The following TCF4 variants were observed in gnomAD, a reference collection of about 807,000 sequenced individuals.
The protein encoded by TCF4 is SL3-3 enhancer factor 2.
In TCF4, 3 loss-of-function variants were observed where a neutral mutation model predicts 82.1. The observed-to-expected ratio is 0.04, with a 90% CI of 0.02 to 0.09. The LOEUF is 0.09. TCF4 is among the 10% of genes least tolerant of loss of function. The pLI, the probability that TCF4 is intolerant of heterozygous loss-of-function variation, is 1.00. For missense variants in TCF4, 518 were observed against 852.7 expected, an observed-to-expected ratio of 0.61 and a Z score of 4.89; for synonymous variants, 276 against 309.6, an observed-to-expected ratio of 0.89 and a Z score of 1.14.
intron 10 of TCF4, among the ~76,000 whole-genome samples, chr18:55,272,972 TA>T (rs1413871287): frequency 6.6e-6 from 1 of 152,156 alleles, no homozygotes; most frequent in African/African-American, 2.4e-5. Flanking sequence ...AGACCATGCC[TA>T]AATCATGCCA....
At chr18:55,262,767 T>C (rs2058313971) in intron 11 of TCF4, among the ~76,000 whole-genome samples, 1 of 152,170 alleles carries the variant, frequency 6.6e-6, no homozygotes, top group South Asian at 2.1e-4. Context: ...TAATTTATGC[T>C]TGTTATTTTC....
chr18:55,635,912 G>A lies in TCF4; in HGVS notation c.-15C>T, dbSNP rs576896383. ...TTAGAAAACATGGTGTTGTTCCTTT[G>A]GCCGCATAAGTGCCAATCTACAAGA... On this transcript the variant is annotated 5_prime_UTR_variant, in exon 1 of 21. Coordinates refer to the TCF4 transcript ENST00000398339. 7 of 1,572,406 alleles carry A rather than the reference G, an allele frequency of 4.5e-6. No individual in the cohort carries two copies. The African/African-American group carries it at 9.5e-5, about 21-fold the overall frequency.
At chr18:55,404,826 G>GT (rs1251607310) in intron 5 of TCF4, among the ~76,000 whole-genome samples, 1 of 152,218 alleles carries the variant, frequency 6.6e-6, no homozygotes, top group Non-Finnish European at 1.5e-5. Flanking sequence ...ATGGATGGTG[G>GT]TTTTCAAAGA....
intron 3 of TCF4, among the ~76,000 whole-genome samples, chr18:55,540,144 G>A (rs909121389): frequency 2.0e-5 from 3 of 151,676 alleles, no homozygotes; most frequent in African/African-American, 7.3e-5. Context: ...TAAAAAAACA[G>A]AGGAGGAGTA....
chr18:55,294,803 A>C (rs2066070344), intron 8 of TCF4, among the ~76,000 whole-genome samples: 1 of 152,178 alleles, frequency 6.6e-6, no homozygotes, highest in African/African-American at 2.4e-5. Context: ...TTATTATTGT[A>C]GGGACAGGGT....
At chr18:55,513,445 G>C (rs2096849199) in intron 3 of TCF4, among the ~76,000 whole-genome samples, 1 of 149,132 alleles carries the variant, frequency 6.7e-6, no homozygotes, top group Non-Finnish European at 1.5e-5. Flanking sequence ...GTGCCACAAT[G>C]ACTGTGTGAA....
intron 2 of TCF4, among the ~76,000 whole-genome samples, chr18:55,601,232 T>C (rs1177178963): frequency 6.6e-6 from 1 of 152,142 alleles, no homozygotes; most frequent in East Asian, 1.9e-4. Context: ...TGAGGGACAA[T>C]TGAGTAGATA....
In TCF4 at chr18:55,363,805, C is replaced by T. The variant is rs187614956; in HGVS notation, c.370-12802G>A. Among the ~76,000 whole-genome samples, 77 of 151,862 alleles carry T rather than the reference C, an allele frequency of 5.1e-4. 1 individual carries two copies. Among genetic ancestry groups the T allele is most frequent in the Non-Finnish European group, 9.7e-4 (66 of 67,954 alleles). On this transcript the variant is annotated intron_variant, in intron 6 of 19. Coordinates refer to ENST00000354452, the MANE Select transcript of TCF4 (RefSeq NM_001083962.2). ...TGGGAAACAGAGCGACACTCTGTCT[C>T]TAAATAAATAAATAAATAAATAAAA...
intron 3 of TCF4, among the ~76,000 whole-genome samples, chr18:55,531,286 C>T (rs2097060075): frequency 6.6e-6 from 1 of 152,112 alleles, no homozygotes; most frequent in Non-Finnish European, 1.5e-5. Flanking sequence ...TCTCTCGTAA[C>T]ACTCATTATG....
intron 3 of TCF4, among the ~76,000 whole-genome samples, chr18:55,547,188 A>G (rs1325055400): frequency 6.6e-6 from 1 of 152,200 alleles, no homozygotes; most frequent in Non-Finnish European, 1.5e-5. Flanking sequence ...TCCCATCTAA[A>G]ACTGCACTTC....
Position 55,328,561 on chromosome 18 carries a change from G to A in TCF4, c.549+21798C>T, listed in dbSNP as rs117262075. Among the ~76,000 whole-genome samples the A allele has an allele frequency of 4.2e-3, 643 of 152,298 alleles. 5 individuals are homozygous for A. The highest frequency in any genetic ancestry group is 7.5e-3 in the Non-Finnish European group (511 of 68,020). On this transcript the variant is annotated intron_variant, in intron 8 of 19. Coordinates refer to ENST00000354452, the MANE Select transcript of TCF4 (RefSeq NM_001083962.2). Reference sequence around the variant, plus strand: ...TTGCTGCACTTCCTAGATGAAGCTGGTTAGCGAGCTTACCACAATCACCTG... The same window carrying A: ...TTGCTGCACTTCCTAGATGAAGCTGATTAGCGAGCTTACCACAATCACCTG...
chr18:55,442,180 A>G (rs1295732951), intron 5 of TCF4, among the ~76,000 whole-genome samples: 1 of 152,160 alleles, frequency 6.6e-6, no homozygotes, highest in Non-Finnish European at 1.5e-5. Context: ...AAAACAAACA[A>G]ACAAAAAAAC....
intron 3 of TCF4, among the ~76,000 whole-genome samples, chr18:55,532,092 G>A (rs1407956676): frequency 6.6e-6 from 1 of 152,110 alleles, no homozygotes; most frequent in African/African-American, 2.4e-5. Context: ...GAAATAAGAA[G>A]GTAATTAGGA....
At chr18:55,530,914 G>A (rs1251377401) in intron 3 of TCF4, among the ~76,000 whole-genome samples, 1 of 151,882 alleles carries the variant, frequency 6.6e-6, no homozygotes, top group African/African-American at 2.4e-5. Context: ...CTGAAACAGA[G>A]TAGGCATTTT....
chr18:55,351,160 T>C, intron 6 of TCF4, 157 bp from the exon 7 acceptor site: 1 of 843,324 alleles, frequency 1.2e-6, no homozygotes. Flanking sequence ...AGAAAGGCAG[T>C]CTAAGAAGCT....
chr18:55,429,221 C>T (rs1027393993), intron 5 of TCF4, among the ~76,000 whole-genome samples: 2 of 152,150 alleles, frequency 1.3e-5, no homozygotes, highest in African/African-American at 4.8e-5. Context: ...ATCTCTCTGG[C>T]CAGGGCCCTG....
At chr18:55,610,095 G>A (rs1001205695) in intron 2 of TCF4, among the ~76,000 whole-genome samples, 2 of 152,072 alleles carry the variant, frequency 1.3e-5, no homozygotes, top group African/African-American at 4.8e-5. Context: ...ACAGGCACTG[G>A]CCAAATATTT....
In TCF4 at chr18:55,545,205, G is replaced by C. The variant is rs368410228; in HGVS notation, c.145+40075C>G. ...GTTGTGAAGACTGACTTACAATATG[G>C]AATATGCATGGAAATGAATCTGTCA... On this transcript the variant is annotated intron_variant, in intron 3 of 19. Transcript: ENST00000354452. Among the ~76,000 whole-genome samples, 739 of 152,254 alleles carry C rather than the reference G, an allele frequency of 4.9e-3. 4 individuals carry two copies. The highest frequency in any genetic ancestry group is 0.016 in the African/African-American group (668 of 41,526).
intron 3 of TCF4, chr18:55,469,469 A>T (rs1568139349): frequency 1.3e-5 from 2 of 152,198 alleles, no homozygotes; most frequent in Non-Finnish European, 2.9e-5. Flanking sequence ...CTCAAAAAAA[A>T]AAATAATAAA....
Sources: allele counts gnomAD v4.1 joint callset (sites outside exome capture counted in the v4.1 genomes callset), GRCh38; gene constraint gnomAD v4.1.1; transcripts MANE v1.5; gene names NCBI Gene and HGNC (gene_info 2026-07-23, HGNC 2026-07-21).